Variants in TRPC4 observed in about 807,000 individuals in gnomAD.
TRPC4 encodes short transient receptor potential channel 4.
TRPC4 carries 49 observed loss-of-function variants against 99.4 expected under a neutral mutation model. The ratio of observed to expected loss-of-function variants is 0.49; its 90% CI spans 0.39 to 0.63. The LOEUF is 0.63. TRPC4 is among the 20% of genes least tolerant of loss of function. TRPC4 has a pLI of 0.00. For synonymous variants in TRPC4, 454 were observed against 425.9 expected, an observed-to-expected ratio of 1.07 and a Z score of -0.81; for missense variants, 898 against 1,152.9, an observed-to-expected ratio of 0.78 and a Z score of 3.20.
At chr13:37,808,652 G>A (rs1247998413) in intron 1 of TRPC4, among the ~76,000 whole-genome samples, 1 of 151,986 alleles carries the variant, frequency 6.6e-6, no homozygotes, top group Non-Finnish European at 1.5e-5. Context: ...GGAATATAAA[G>A]TCCAGTCATT....
chr13:37,810,700 A>G (rs1957656743), intron 1 of TRPC4, among the ~76,000 whole-genome samples: 1 of 152,000 alleles, frequency 6.6e-6, no homozygotes, highest in Non-Finnish European at 1.5e-5. Context: ...ATTAAACTTT[A>G]TACTTTTGAT....
chr13:37,713,563 C>T (rs1954558308), intron 3 of TRPC4, among the ~76,000 whole-genome samples: 2 of 152,146 alleles, frequency 1.3e-5, no homozygotes, highest in Admixed American at 1.3e-4. Context: ...CACTGTCTGT[C>T]TTCCATGTCT....
chr13:37,639,000 T>C, intron 10 of TRPC4, 40 bp downstream of exon 10: 1 of 1,588,748 alleles, frequency 6.3e-7, no homozygotes, highest in Non-Finnish European at 8.6e-7. Context: ...ATCCATATTC[T>C]GCACAATCTG....
rs528939627 is a variant in TRPC4 at position 37,653,551 on chromosome 13, G to T, written c.1884+1537C>A. On this transcript the variant is annotated intron_variant, in intron 7 of 10. Transcript: ENST00000379705. ...GTTCGTGCCCCCAAGGAGACTTCAT[G>T]CATGGAGTCCTGGGAATCACACCTG... 5.3e-5 allele frequency among the ~76,000 whole-genome samples: 8 copies of T among 152,246 alleles called. No individual in the cohort carries two copies. The South Asian group carries it at 1.7e-3, about 32-fold the overall frequency.
At chr13:37,691,053 C>T (rs1318113071) in intron 4 of TRPC4, among the ~76,000 whole-genome samples, 2 of 152,074 alleles carry the variant, frequency 1.3e-5, no homozygotes, top group Admixed American at 6.5e-5. Context: ...TTAACCATGG[C>T]TATAATAACA....
At chr13:37,837,741 T>G (rs888007405) in intron 1 of TRPC4, among the ~76,000 whole-genome samples, 4 of 152,038 alleles carry the variant, frequency 2.6e-5, no homozygotes, top group African/African-American at 9.7e-5. Context: ...TGAGTTAAGA[T>G]TTTGGGGGAC....
In TRPC4 at chr13:37,632,957, T is replaced by G. The variant is rs1319110053; in HGVS notation, c.*3946A>C. Among the ~76,000 whole-genome samples the G allele has an allele frequency of 2.6e-5, 4 of 152,198 alleles. No homozygotes were observed. Among genetic ancestry groups the G allele is most frequent in the Admixed American group, 6.5e-5 (1 of 15,268 alleles). On this transcript the variant is annotated 3_prime_UTR_variant, in exon 11 of 11. Coordinates refer to ENST00000379705, the MANE Select transcript of TRPC4 (RefSeq NM_016179.4). Reference sequence around the variant, plus strand: ...GTCAGTGGTCAAGGCATTTATAATGTGATGCCTCATCCAAATATCTAGATG... The same window carrying G: ...GTCAGTGGTCAAGGCATTTATAATGGGATGCCTCATCCAAATATCTAGATG...
intron 1 of TRPC4, among the ~76,000 whole-genome samples, chr13:37,855,337 G>GACAT (rs1555285072): frequency 7.3e-6 from 1 of 136,574 alleles, no homozygotes; most frequent in East Asian, 2.1e-4. Flanking sequence ...ATACAATGTA[G>GACAT]ATATATATAT....
At chr13:37,780,251 T>C (rs1248243103) in intron 2 of TRPC4, among the ~76,000 whole-genome samples, 1 of 152,172 alleles carries the variant, frequency 6.6e-6, no homozygotes, top group African/African-American at 2.4e-5. Flanking sequence ...AGAGTATATT[T>C]TGAATATGCA....
intron 1 of TRPC4, among the ~76,000 whole-genome samples, chr13:37,791,984 C>A (rs1957133211): frequency 1.3e-5 from 2 of 152,064 alleles, no homozygotes; most frequent in Admixed American, 6.6e-5. Flanking sequence ...GGATTCAGGA[C>A]AAGGACTTTG....
intron 2 of TRPC4, 43 bp from the exon 3 acceptor site, chr13:37,746,498 G>C (rs1233316174): frequency 6.5e-7 from 1 of 1,536,196 alleles, no homozygotes; most frequent in Non-Finnish European, 8.7e-7. Flanking sequence ...TTATTCTTTT[G>C]TTCAAGTCTG....
At chr13:37,797,730 T>A (rs748284589) in intron 1 of TRPC4, among the ~76,000 whole-genome samples, 120 of 152,204 alleles carry the variant, frequency 7.9e-4, no homozygotes, top group Non-Finnish European at 1.4e-3. Flanking sequence ...GCACAAGGAA[T>A]TTGTCATCTC....
intron 3 of TRPC4, among the ~76,000 whole-genome samples, chr13:37,702,758 A>G (rs1453714995): frequency 2.0e-5 from 3 of 152,192 alleles, no homozygotes; most frequent in Non-Finnish European, 4.4e-5. Context: ...TCAGCTATAT[A>G]CATAATGCGA....
At chr13:37,809,541 A>G (rs1193758418) in intron 1 of TRPC4, among the ~76,000 whole-genome samples, 1 of 151,918 alleles carries the variant, frequency 6.6e-6, no homozygotes, top group Admixed American at 6.6e-5. Flanking sequence ...ACCTATCTCA[A>G]ACTGCAGGCA....
At chr13:37,834,202 C>T (rs1385774583) in intron 1 of TRPC4, among the ~76,000 whole-genome samples, 1 of 152,190 alleles carries the variant, frequency 6.6e-6, no homozygotes, top group Admixed American at 6.5e-5. Context: ...ACATAGCTAT[C>T]TTCTTTTCAA....
intron 2 of TRPC4, among the ~76,000 whole-genome samples, chr13:37,766,135 T>C (rs1007478551): frequency 1.3e-4 from 20 of 151,644 alleles, no homozygotes; most frequent in African/African-American, 4.8e-4. Context: ...TCTTAGTATA[T>C]GTTAATTTTA....
intron 1 of TRPC4, among the ~76,000 whole-genome samples, chr13:37,859,301 A>T (rs1959205804): frequency 6.6e-6 from 1 of 151,432 alleles, no homozygotes; most frequent in African/African-American, 2.4e-5. Context: ...GGTCTTAAGA[A>T]GGAAAAAATG....
chr13:37,727,168 G>A (rs1955092940), intron 3 of TRPC4, among the ~76,000 whole-genome samples: 1 of 152,056 alleles, frequency 6.6e-6, no homozygotes, highest in Admixed American at 6.6e-5. Flanking sequence ...TTTCAGGGTA[G>A]ACCACGTGTT....
intron 3 of TRPC4, among the ~76,000 whole-genome samples, chr13:37,694,633 T>C (rs1467705333): frequency 6.6e-6 from 1 of 152,090 alleles, no homozygotes; most frequent in African/African-American, 2.4e-5. Context: ...TTTTTATTTA[T>C]TTTTTTTCTT....
Sources: gnomAD v4.1 joint callset for allele counts (sites outside exome capture counted in the v4.1 genomes callset) on GRCh38, gnomAD v4.1.1 for gene constraint, MANE v1.5 for transcripts, NCBI Gene and HGNC (gene_info 2026-07-23, HGNC 2026-07-21) for gene names.